Variants in KIAA1549L observed in about 807,000 individuals in gnomAD.
KIAA1549L encodes the protein KIAA1549 like.
KIAA1549L carries 88 observed loss-of-function variants against 160.7 expected under a neutral mutation model. That is an observed-to-expected ratio of 0.55 (90% CI 0.46 to 0.65). The LOEUF is 0.65. Among genes scored for constraint, KIAA1549L ranks in the 30% least tolerant of loss-of-function variants. KIAA1549L has a pLI of 0.00. For synonymous variants in KIAA1549L, 950 were observed against 976.7 expected, an observed-to-expected ratio of 0.97 and a Z score of 0.51; for missense variants, 2,258 against 2,437.5, an observed-to-expected ratio of 0.93 and a Z score of 1.55.
chr11:33,545,214 C>A lies in KIAA1549L; in HGVS notation c.3221C>A (p.Ala1074Glu). The A allele has an allele frequency of 6.2e-7, 1 of 1,614,024 alleles. No individual in the cohort carries two copies. ...STPRPLTVTA[A>E]LTSITASVKA... ...CCACGCCCACTGACAGTCACGGCCG[C>A]GCTGACATCCATTACAGCCTCAGTG... Residue 1074 changes from alanine to glutamate, a missense_variant, in exon 3 of 21, where the codon GCG becomes GAG. Physicochemically the swap from Ala to Glu is moderately radical, Grantham distance 107. Transcript: ENST00000658780.
intron 16 of KIAA1549L, among the ~76,000 whole-genome samples, chr11:33,626,473 C>A (rs1270947037): frequency 6.7e-6 from 1 of 149,624 alleles, no homozygotes; most frequent in Admixed American, 6.6e-5. Context: ...AGAGGTCCTT[C>A]ACATCCCTTG....
chr11:33,511,890 G>A (rs1590300049), intron 1 of KIAA1549L, among the ~76,000 whole-genome samples: 1 of 152,210 alleles, frequency 6.6e-6, no homozygotes, highest in South Asian at 2.1e-4. Flanking sequence ...ACTGGACCAG[G>A]TGATGCATCT....
At chr11:33,482,297 C>T (rs951470333) in intron 1 of KIAA1549L, among the ~76,000 whole-genome samples, 2 of 151,512 alleles carry the variant, frequency 1.3e-5, no homozygotes, top group African/African-American at 2.4e-5. Context: ...TTTTTCTTCA[C>T]AATTTTTATA....
At chr11:33,405,810 C>T (rs1245549664) in intron 1 of KIAA1549L, among the ~76,000 whole-genome samples, 6 of 137,352 alleles carry the variant, frequency 4.4e-5, no homozygotes. Context: ...CCACTGCACT[C>T]CAGCCTGGGC....
intron 17 of KIAA1549L, among the ~76,000 whole-genome samples, chr11:33,647,245 A>G (rs1418120151): frequency 1.3e-5 from 2 of 152,084 alleles, no homozygotes; most frequent in East Asian, 3.9e-4. Context: ...GTGTGGCGGC[A>G]TGCGCCTATA....
chr11:33,606,798 G>T lies in KIAA1549L; in HGVS notation c.5037G>T (p.Glu1679Asp). Residue 1679 changes from glutamate to aspartate, a missense_variant, in exon 14 of 21, where the codon GAG becomes GAT. Glu to Asp is a conservative substitution (Grantham distance 45). Around this residue, in one of 6 missense-constraint regions of KIAA1549L, gnomAD observed 1,359 missense variants for 1,546.6 expected, o/e 0.88. Coordinates refer to ENST00000658780, the MANE Select transcript of KIAA1549L (RefSeq NM_012194.3). The part of the protein sequence containing the change: ...MVPPTSDRSQ[E>D]SSAVLNGEVN... ...CCCCCACCTCGGACAGGAGCCAGGA[G>T]TCATCGGCAGTCCTCAACGGCGAGG... is the stretch of plus-strand genomic sequence containing the variant. 2 of 1,611,030 alleles carry T rather than the reference G, an allele frequency of 1.2e-6. No homozygotes were observed. The highest frequency in any genetic ancestry group is 1.7e-6 in the Non-Finnish European group (2 of 1,178,606).
At chr11:33,461,002 AATT>A (rs1406073208) in intron 1 of KIAA1549L, among the ~76,000 whole-genome samples, 1 of 152,072 alleles carries the variant, frequency 6.6e-6, no homozygotes, top group African/African-American at 2.4e-5. Flanking sequence ...TGTATTTTCT[AATT>A]ATTCTGCAGT....
At chr11:33,546,954 T>G (rs766375467) in intron 3 of KIAA1549L, among the ~76,000 whole-genome samples, 81 of 152,258 alleles carry the variant, frequency 5.3e-4, no homozygotes, top group Non-Finnish European at 2.6e-4. Flanking sequence ...TCCCTCTCTT[T>G]GACTCTCTCA....
intron 1 of KIAA1549L, among the ~76,000 whole-genome samples, chr11:33,525,387 A>G (rs989769875): frequency 6.6e-6 from 1 of 152,154 alleles, no homozygotes; most frequent in Non-Finnish European, 1.5e-5. Context: ...TAAAAATAGA[A>G]GCAGCAGCAG....
At chr11:33,525,363 A>G (rs921221233) in intron 1 of KIAA1549L, among the ~76,000 whole-genome samples, 1 of 152,122 alleles carries the variant, frequency 6.6e-6, no homozygotes, top group Non-Finnish European at 1.5e-5. Flanking sequence ...GGTTTTAAGG[A>G]GCTGAGAGAA....
intron 6 of KIAA1549L, among the ~76,000 whole-genome samples, chr11:33,556,199 A>C (rs1040122331): frequency 2.0e-5 from 3 of 152,222 alleles, no homozygotes; most frequent in African/African-American, 7.2e-5. Flanking sequence ...ACCCTAATGC[A>C]TTGCTAGTGG....
At chr11:33,481,163 T>C (rs1031881386) in intron 1 of KIAA1549L, among the ~76,000 whole-genome samples, 3 of 152,210 alleles carry the variant, frequency 2.0e-5, no homozygotes, top group Non-Finnish European at 4.4e-5. Flanking sequence ...ACTTAATGAA[T>C]AGCATCTGGG....
Position 33,559,896 on chromosome 11 carries a change from C to A in KIAA1549L, c.4003C>A (p.Leu1335Ile). Residue 1335 changes from leucine to isoleucine, a missense_variant, in exon 7 of 21, where the codon CTA (leucine) becomes ATA (isoleucine). Leu to Ile is a conservative substitution (Grantham distance 5). Around this residue, in one of 6 missense-constraint regions of KIAA1549L, gnomAD observed 1,359 missense variants for 1,546.6 expected, o/e 0.88. Transcript: ENST00000658780. Reference sequence around the variant, plus strand: ...GGGATTCTACCTCACCTATCCGCCGCTAACCATTGCTGAACGTGAGTATGG... The same window carrying A: ...GGGATTCTACCTCACCTATCCGCCGATAACCATTGCTGAACGTGAGTATGG... The part of the protein sequence containing the change: ...LVGFYLTYPP[L>I]TIAEPLEYPN... 6.2e-7 allele frequency: 1 copy of A among 1,614,048 alleles called. No individual in the cohort carries two copies. The highest frequency in any genetic ancestry group is 1.1e-5 in the South Asian group (1 of 91,088).
At chr11:33,392,795 G>C (rs577160431) in intron 1 of KIAA1549L, among the ~76,000 whole-genome samples, 15 of 152,202 alleles carry the variant, frequency 9.9e-5, no homozygotes, top group Non-Finnish European at 2.1e-4. Flanking sequence ...TGAACTCCCG[G>C]GCTCAAGTGA....
intron 20 of KIAA1549L, among the ~76,000 whole-genome samples, chr11:33,667,501 T>G (rs1038699180): frequency 3.3e-5 from 5 of 152,026 alleles, no homozygotes; most frequent in Non-Finnish European, 5.9e-5. Context: ...CAAGTGACTC[T>G]CCTGCTTCAG....
chr11:33,522,753 G>A (rs1853525717), intron 1 of KIAA1549L, among the ~76,000 whole-genome samples: 1 of 152,120 alleles, frequency 6.6e-6, no homozygotes, highest in African/African-American at 2.4e-5. Flanking sequence ...TAAAAAATTA[G>A]TTGGGCCTGG....
In KIAA1549L at chr11:33,641,596, A is replaced by G. The variant is rs1162540393; in HGVS notation, c.5410-4090A>G. Among the ~76,000 whole-genome samples, 18 of 20,396 alleles carry G rather than the reference A, an allele frequency of 8.8e-4. 1 individual carries two copies. The East Asian group carries it at 0.075, about 85-fold the overall frequency. The allele number at this position is 20,396 out of a possible 152,430, so 13.4% of individuals were successfully genotyped here. A position where few individuals can be genotyped will look rare whatever the true frequency, so the allele number is the denominator to read the frequency against. Reference sequence around the variant, plus strand: ...TGTATATATATATATATATATATATATATATATATATATATATATATATAT... The same window carrying G: ...TGTATATATATATATATATATATATGTATATATATATATATATATATATAT... On this transcript the variant is annotated intron_variant, in intron 16 of 20. Transcript: ENST00000658780.
chr11:33,439,194 G>C lies in KIAA1549L; in HGVS notation c.238+62305G>C, dbSNP rs544499312. On this transcript the variant is annotated intron_variant, in intron 1 of 20. Coordinates refer to ENST00000658780, the MANE Select transcript of KIAA1549L (RefSeq NM_012194.3). ...CCCAAAGTGCTGGGATTACGGGTGTGAGCCACCGTGTCTGGCCTAAATTGA... is the reference window on the plus strand; with the variant it reads ...CCCAAAGTGCTGGGATTACGGGTGTCAGCCACCGTGTCTGGCCTAAATTGA... Among the ~76,000 whole-genome samples the C allele has an allele frequency of 3.7e-3, 559 of 151,754 alleles. 5 individuals carry two copies. Among genetic ancestry groups the C allele is most frequent in the African/African-American group, 0.013 (541 of 41,392 alleles).
chr11:33,614,557 T>C (rs1378004268), intron 15 of KIAA1549L, among the ~76,000 whole-genome samples: 5 of 15,338 alleles, frequency 3.3e-4, no homozygotes, highest in Admixed American at 6.0e-4. Flanking sequence ...TATATATATA[T>C]ATATATATAT....
Sources: gnomAD v4.1 joint callset for allele counts (sites outside exome capture counted in the v4.1 genomes callset) on GRCh38, gnomAD v4.1.1 for gene constraint, gnomAD v4.1.1 regional missense constraint, MANE v1.5 for transcripts, NCBI Gene and HGNC (gene_info 2026-07-23, HGNC 2026-07-21) for gene names.